Variants in SEC16A observed in about 807,000 individuals in gnomAD.
SEC16A encodes the protein SEC16 homolog A, endoplasmic reticulum export factor.
In SEC16A, 110 loss-of-function variants were observed where a neutral mutation model predicts 221.9. The ratio of observed to expected loss-of-function variants is 0.50; its 90% CI spans 0.42 to 0.58. SEC16A has a LOEUF of 0.58. SEC16A is among the 20% of genes least tolerant of loss of function. The probability of loss-of-function intolerance (pLI) is 0.00; values close to 1 mark genes in which losing one functional copy is unlikely to be tolerated. For synonymous variants in SEC16A, 1,393 were observed against 1,257.7 expected, an observed-to-expected ratio of 1.11 and a Z score of -2.28; for missense variants, 3,165 against 3,097.8, an observed-to-expected ratio of 1.02 and a Z score of -0.52.
At chr9:136,455,868 C>T (rs567995936) in intron 19 of SEC16A, 75 bp from the exon 20 acceptor site, 17 of 1,429,384 alleles carry the variant, frequency 1.2e-5, no homozygotes, top group Middle Eastern at 1.8e-4. Context: ...GCCACCACCG[C>T]GCTTGCTGTG....
Position 136,443,416 on chromosome 9 carries a change from G to A in SEC16A, c.7005+407C>T, listed in dbSNP as rs1836487640. On this transcript the variant is annotated intron_variant, in intron 31 of 31. Transcript: ENST00000684901. ...TCAGAAAAGAGAAGCTGGGCACGGT[G>A]GCTCAAGCCTGTAATCCCAGTGCCT... Among the ~76,000 whole-genome samples the A allele has an allele frequency of 2.0e-5, 3 of 152,238 alleles. No homozygotes were observed. The South Asian group carries it at 6.2e-4, about 31-fold the overall frequency.
chr9:136,456,730 G>A (rs1360650734), intron 18 of SEC16A, among the ~76,000 whole-genome samples: 3 of 152,172 alleles, frequency 2.0e-5, no homozygotes, highest in Non-Finnish European at 2.9e-5. Flanking sequence ...CAACACGGGC[G>A]CCTCCCATAC....
intron 3 of SEC16A, 96 bp from the exon 4 acceptor site, chr9:136,472,207 G>T: frequency 1.4e-6 from 2 of 1,437,520 alleles, no homozygotes; most frequent in Admixed American, 1.8e-5. Context: ...AGGGCGGGCA[G>T]CATTAGATAC....
At chr9:136,463,210 C>T in intron 11 of SEC16A, 78 bp from the exon 12 acceptor site, 4 of 1,561,200 alleles carry the variant, frequency 2.6e-6, no homozygotes, top group Non-Finnish European at 3.5e-6. Context: ...AGGCACAAAG[C>T]CCCACCCTGG....
intron 3 of SEC16A, among the ~76,000 whole-genome samples, chr9:136,473,215 C>T (rs984936989): frequency 2.6e-5 from 4 of 152,222 alleles, no homozygotes; most frequent in Non-Finnish European, 5.9e-5. Context: ...CCTGTGTGGC[C>T]CCAAGTCTGG....
intron 30 of SEC16A, 79 bp downstream of exon 30, chr9:136,444,973 C>T (rs573254072): frequency 8.4e-5 from 110 of 1,310,348 alleles, no homozygotes; most frequent in Non-Finnish European, 1.1e-4. Flanking sequence ...GCGCACGTGG[C>T]GAACCGGCAC....
rs770185356 is a variant in SEC16A, at chr9:136,459,286, T to C, written c.5304-47A>G. On this transcript the variant is annotated intron_variant, in intron 16 of 31. Coordinates refer to ENST00000684901, the MANE Select transcript of SEC16A (RefSeq NM_014866.2). The surrounding 1 kb of genome is among the most constrained non-coding windows in gnomAD (Gnocchi z 6.1). Reference sequence around the variant, plus strand: ...TTGATTTGGAAAAAATGGCCAATTATTGGCATAGTCAACCTTGGAGCAAAT... The same window carrying C: ...TTGATTTGGAAAAAATGGCCAATTACTGGCATAGTCAACCTTGGAGCAAAT... 5 of 1,566,656 alleles carry C rather than the reference T, an allele frequency of 3.2e-6. No homozygotes were observed. Among genetic ancestry groups the C allele is most frequent in the East Asian group, 4.5e-5 (2 of 44,504 alleles).
rs772123976 is a variant in SEC16A, at chr9:136,461,216, C to T, written c.4952G>A (p.Ser1651Asn). ...GLWGHALLLA[S>N]KMDSRTHARV... ...GGCGTGTGTCCGGCTGTCCATCTTACTTGCAAGTAGCAGAGCGTGACCCCA... is the reference window on the plus strand; with the variant it reads ...GGCGTGTGTCCGGCTGTCCATCTTATTTGCAAGTAGCAGAGCGTGACCCCA... The change falls in exon 13 of 32, where the codon AGT (serine) becomes AAT (asparagine). Residue 1651 changes from serine to asparagine, a missense_variant. Physicochemically the swap from Ser to Asn is conservative, Grantham distance 46. Transcript: ENST00000684901. 32 of 1,609,412 alleles carry T rather than the reference C, an allele frequency of 2.0e-5. No individual in the cohort carries two copies. Among genetic ancestry groups the T allele is most frequent in the South Asian group, 2.2e-5 (2 of 89,778 alleles).
In SEC16A at chr9:136,476,811, C is replaced by A. The variant is rs1424148547; in HGVS notation, c.805G>T (p.Val269Leu). ...CTGGGCAAGGCTGCTGGGGGAGCCA[C>A]CAGAGGGCTGTGTTGCTCATGACCA... Reference protein sequence around the residue: ...GPGHEQHSPLVAPPAALPSDG... With the variant: ...GPGHEQHSPLLAPPAALPSDG... The change falls in exon 3 of 32, where the codon GTG (valine) becomes TTG (leucine). Residue 269 changes from valine (V) to leucine (L), a missense_variant. Val to Leu is a conservative substitution (Grantham distance 32). This residue lies in a region of SEC16A where 2,030 missense variants were observed against 1,923.1 expected (regional missense o/e 1.06). Transcript: ENST00000684901. 2 of 1,611,726 alleles carry A rather than the reference C, an allele frequency of 1.2e-6. No individual in the cohort carries two copies. Among genetic ancestry groups the A allele is most frequent in the Non-Finnish European group, 1.7e-6 (2 of 1,178,476 alleles).
In SEC16A at chr9:136,474,225, G is replaced by C. The variant is rs1841303192; in HGVS notation, c.3391C>G (p.Gln1131Glu). 1 of 1,610,234 alleles carries C rather than the reference G, an allele frequency of 6.2e-7. No individual in the cohort carries two copies. Among genetic ancestry groups the C allele is most frequent in the African/African-American group, 1.3e-5 (1 of 74,908 alleles). The change falls in exon 3 of 32, where the codon CAG becomes GAG. Residue 1131 changes from glutamine (Q) to glutamate (E), a missense_variant. Physicochemically the swap from Gln to Glu is conservative, Grantham distance 29 (BLOSUM62 2). Around this residue, in one of 3 missense-constraint regions of SEC16A, gnomAD observed 2,030 missense variants for 1,923.1 expected, o/e 1.06. Transcript: ENST00000684901. ...SVSLVSSGSG[Q>E]AAVPSEQPWP... ...GGCTGCTCTGACGGCACAGCTGCCT[G>C]GCCGGAGCCACTGGACACCAGAGAC...
intron 11 of SEC16A, 123 bp downstream of exon 11, chr9:136,463,340 G>T: frequency 1.5e-6 from 2 of 1,330,116 alleles, no homozygotes; most frequent in African/African-American, 1.5e-5. Flanking sequence ...TTCCTAAGGG[G>T]GCCCTCGAGG....
chr9:136,477,732 T>A, intron 2 of SEC16A, 48 bp from the exon 3 acceptor site: 1 of 1,420,232 alleles, frequency 7.0e-7, no homozygotes. Flanking sequence ...ATATTCAAAG[T>A]CCTAGCTGCA....
At chr9:136,442,366 G>T (rs1439931241) in intron 31 of SEC16A, among the ~76,000 whole-genome samples, 1 of 152,254 alleles carries the variant, frequency 6.6e-6, no homozygotes, top group Non-Finnish European at 1.5e-5. Flanking sequence ...CAGCTTGGGG[G>T]CAGTGGTCCT....
chr9:136,482,548 A>C (rs775246414), intron 1 of SEC16A, among the ~76,000 whole-genome samples: 1 of 152,262 alleles, frequency 6.6e-6, no homozygotes, highest in Non-Finnish European at 1.5e-5. Context: ...TTCAAATGTA[A>C]ATGTGTCTCT....
At chr9:136,479,993 C>A (rs1281931748) in intron 1 of SEC16A, among the ~76,000 whole-genome samples, 1 of 143,982 alleles carries the variant, frequency 6.9e-6, no homozygotes, top group Non-Finnish European at 1.6e-5. Context: ...CAGAGTGAAA[C>A]TGTCTCAAAA....
At position 136,458,769 on chromosome 9, in the gene SEC16A, T is replaced by TA. The variant is rs542405234; in HGVS notation, c.5409+364dup. Among the ~76,000 whole-genome samples, 158 of 151,272 alleles carry TA rather than the reference T, an allele frequency of 1.0e-3. 1 individual carries two copies. Among genetic ancestry groups the TA allele is most frequent in the African/African-American group, 3.8e-3 (155 of 41,182 alleles). ...CAACACAGTTTTTTTCTACAAAAAA[T>TA]AAAAAAAATTAGTGTGGCATGGTAG... is the stretch of plus-strand genomic sequence containing the variant. On this transcript the variant is annotated intron_variant, in intron 17 of 31. Transcript: ENST00000684901.
In SEC16A at chr9:136,475,024, C is replaced by T; in HGVS notation, c.2592G>A (p.Val864=). The part of the protein sequence containing the change: ...EKNQSWREAL[V]GDRPAVSSWA... ...AACTGCTGACTGCAGGTCTATCCCC[C>T]ACCAAAGCCTCTCTCCAGGACTGAT... The change falls in exon 3 of 32, where the codon GTG becomes GTA. Residue 864 remains valine (V), a synonymous_variant. Coordinates refer to ENST00000684901, the MANE Select transcript of SEC16A (RefSeq NM_014866.2). This position sits in a 1 kb window ranked among gnomAD's most constrained non-coding sequence, Gnocchi z 5.0. 1 of 1,613,766 alleles carries T rather than the reference C, an allele frequency of 6.2e-7. No homozygotes were observed.
In SEC16A at chr9:136,475,170, A is replaced by G; in HGVS notation, c.2446T>C (p.Ser816Pro). Residue 816 changes from serine to proline, a missense_variant, in exon 3 of 32, where the codon TCC becomes CCC. Ser to Pro is a moderately conservative substitution (Grantham distance 74, BLOSUM62 -1). Coordinates refer to ENST00000684901, the MANE Select transcript of SEC16A (RefSeq NM_014866.2). This position sits in a 1 kb window ranked among gnomAD's most constrained non-coding sequence, Gnocchi z 5.0. ...TGCAGAGACTCAGTGGGCGGTGAGG[A>G]TAATAAACTTGCATAACCAGAACTC... ...QASSGYASLL[S>P]SPPTESLQNP... 3 of 1,613,860 alleles carry G rather than the reference A, an allele frequency of 1.9e-6. No individual in the cohort carries two copies. The highest frequency in any genetic ancestry group is 2.5e-6 in the Non-Finnish European group (3 of 1,179,872).
chr9:136,457,560 G>A lies in SEC16A; in HGVS notation c.5434C>T (p.Arg1812Cys). 2.5e-6 allele frequency: 4 copies of A among 1,611,052 alleles called. No individual in the cohort carries two copies. Among genetic ancestry groups the A allele is most frequent in the Non-Finnish European group, 3.4e-6 (4 of 1,178,488 alleles). Residue 1812 changes from arginine (R) to cysteine (C), a missense_variant, in exon 18 of 32, where the codon CGC (arginine) becomes TGC (cysteine). By Grantham distance (180) the Arg-to-Cys change is radical (BLOSUM62 -3). Around this residue, in one of 3 missense-constraint regions of SEC16A, gnomAD observed 1,088 missense variants for 1,089.6 expected, o/e 1.00. Coordinates refer to ENST00000684901, the MANE Select transcript of SEC16A (RefSeq NM_014866.2). ...GTGGCCAGCCCCATTTCCGCCAGGCGGCAGGAGTAGATGAACTTAAACACC... is the reference window on the plus strand; with the variant it reads ...GTGGCCAGCCCCATTTCCGCCAGGCAGCAGGAGTAGATGAACTTAAACACC... The part of the protein sequence containing the change: ...FQVFKFIYSC[R>C]LAEMGLATQA...
Sources: gnomAD v4.1 joint callset for allele counts (sites outside exome capture counted in the v4.1 genomes callset) on GRCh38, gnomAD v4.1.1 for gene constraint, gnomAD v4.1.1 regional missense constraint, Gnocchi (gnomAD v3.1) non-coding constraint, MANE v1.5 for transcripts, NCBI Gene and HGNC (gene_info 2026-07-23, HGNC 2026-07-21) for gene names.